NRXN3: variants seen among roughly 807,000 people sequenced by gnomAD.
NRXN3 encodes the protein neurexin III.
NRXN3 carries 32 observed loss-of-function variants against 137.6 expected under a neutral mutation model. That is an observed-to-expected ratio of 0.23 (90% CI 0.18 to 0.31). The LOEUF (loss-of-function observed/expected upper bound fraction) is 0.31. NRXN3 is among the 10% of genes least tolerant of loss of function. The probability of loss-of-function intolerance (pLI) is 1.00; values close to 1 mark genes in which losing one functional copy is unlikely to be tolerated. For missense variants in NRXN3, 1,574 were observed against 2,062.5 expected (o/e 0.76, Z 4.59); for synonymous variants, 798 against 784.5 (o/e 1.02, Z -0.29).
At chr14:78,811,143 A>G (rs1280033563) in intron 10 of NRXN3, among the ~76,000 whole-genome samples, 1 of 152,252 alleles carries the variant, frequency 6.6e-6, no homozygotes, top group African/African-American at 2.4e-5. Flanking sequence ...TGAGTACTAT[A>G]GCATATTATA....
chr14:79,390,638 A>C (rs1346562568), intron 15 of NRXN3, among the ~76,000 whole-genome samples: 2 of 152,170 alleles, frequency 1.3e-5, no homozygotes, highest in Non-Finnish European at 1.5e-5. Flanking sequence ...CACTATGTGA[A>C]GCTTCAAATC....
chr14:78,259,230 T>C (rs1245358461), intron 2 of NRXN3, among the ~76,000 whole-genome samples: 1 of 152,192 alleles, frequency 6.6e-6, no homozygotes, highest in African/African-American at 2.4e-5. Flanking sequence ...TGAATGTTTT[T>C]GCACATGACA....
chr14:79,492,272 A>AT (rs1462477411), intron 16 of NRXN3, among the ~76,000 whole-genome samples: 3 of 152,232 alleles, frequency 2.0e-5, no homozygotes, highest in African/African-American at 7.2e-5. Context: ...ATGTATCAGT[A>AT]AGTCAAGGAA....
At chr14:79,314,163 C>G (rs1249149628) in intron 15 of NRXN3, 7 of 148,508 alleles carry the variant, frequency 4.7e-5, no homozygotes, top group African/African-American at 1.7e-4. Context: ...CCGGGTTCAT[C>G]TCACTAGGGA....
chr14:79,716,826 C>T (rs1043705469), intron 19 of NRXN3, among the ~76,000 whole-genome samples: 1 of 152,106 alleles, frequency 6.6e-6, no homozygotes, highest in Non-Finnish European at 1.5e-5. Context: ...ATTATGCCTC[C>T]TGCTTTAGGA....
chr14:78,624,586 C>T (rs571152310), intron 4 of NRXN3, among the ~76,000 whole-genome samples: 7 of 152,300 alleles, frequency 4.6e-5, no homozygotes, highest in African/African-American at 1.4e-4. Context: ...AAGAGGCTCA[C>T]ACAGCCTTTC....
At chr14:79,544,364 G>T (rs889606019) in intron 16 of NRXN3, among the ~76,000 whole-genome samples, 3 of 152,198 alleles carry the variant, frequency 2.0e-5, no homozygotes, top group Admixed American at 6.5e-5. Flanking sequence ...AAAATGCCAC[G>T]ATAACATCTA....
At chr14:78,584,484 C>G (rs1450625437) in intron 4 of NRXN3, among the ~76,000 whole-genome samples, 1 of 152,136 alleles carries the variant, frequency 6.6e-6, no homozygotes, top group African/African-American at 2.4e-5. Flanking sequence ...GGCTGAACAT[C>G]ATTGTCCTAC....
intron 10 of NRXN3, among the ~76,000 whole-genome samples, chr14:78,830,560 T>C (rs2098978832): frequency 6.6e-6 from 1 of 152,146 alleles, no homozygotes; most frequent in Non-Finnish European, 1.5e-5. Flanking sequence ...TTTTACTCTT[T>C]TTTTAAATTT....
chr14:78,587,431 C>T (rs2097076091), intron 4 of NRXN3, among the ~76,000 whole-genome samples: 1 of 152,104 alleles, frequency 6.6e-6, no homozygotes, highest in Non-Finnish European at 1.5e-5. Flanking sequence ...GATTAGTTAC[C>T]CCTCTGAAAT....
intron 4 of NRXN3, among the ~76,000 whole-genome samples, chr14:78,638,981 A>T (rs1251721098): frequency 1.3e-5 from 2 of 152,210 alleles, no homozygotes; most frequent in Non-Finnish European, 2.9e-5. Context: ...TTGCCTGGAA[A>T]GCACTGGCCA....
chr14:78,542,822 A>G (rs775005752), intron 4 of NRXN3, among the ~76,000 whole-genome samples: 3 of 152,162 alleles, frequency 2.0e-5, no homozygotes, highest in Non-Finnish European at 2.9e-5. Context: ...CCATCTTGGA[A>G]TACCCACTCC....
intron 1 of NRXN3, among the ~76,000 whole-genome samples, chr14:78,203,276 G>A (rs1566961642): frequency 6.6e-6 from 1 of 152,170 alleles, no homozygotes; most frequent in Non-Finnish European, 1.5e-5. Flanking sequence ...GTGAGATGAG[G>A]CTTCCTGGGG....
At chr14:79,467,959 G>T (rs1184892993) in intron 16 of NRXN3, among the ~76,000 whole-genome samples, 1 of 152,176 alleles carries the variant, frequency 6.6e-6, no homozygotes, top group African/African-American at 2.4e-5. Flanking sequence ...ACAAGCTGCA[G>T]GCCGTAATTT....
chr14:78,866,613 C>T (rs2152549797), intron 10 of NRXN3, among the ~76,000 whole-genome samples: 2 of 152,168 alleles, frequency 1.3e-5, no homozygotes, highest in Admixed American at 1.3e-4. Context: ...AAAAATTCTT[C>T]ATAATGAAAT....
intron 15 of NRXN3, among the ~76,000 whole-genome samples, chr14:79,372,861 G>T (rs1013150833): frequency 6.6e-6 from 1 of 151,422 alleles, no homozygotes. Flanking sequence ...TATTTTTATC[G>T]TGCATATCAC....
intron 8 of NRXN3, among the ~76,000 whole-genome samples, chr14:78,760,836 A>AT (rs956755158): frequency 3.3e-5 from 5 of 152,114 alleles, no homozygotes; most frequent in African/African-American, 4.8e-5. Context: ...GGAGGCAAAA[A>AT]TGGTTGGGAT....
At chr14:79,268,424 C>G (rs7144015) in intron 15 of NRXN3, among the ~76,000 whole-genome samples, 6,032 of 152,254 alleles carry the variant, frequency 0.04, 305 homozygotes, top group African/African-American at 0.11. Context: ...AGTTCTGCTT[C>G]TCTAGGTCAC....
intron 4 of NRXN3, among the ~76,000 whole-genome samples, chr14:78,399,795 A>G (rs1299893783): frequency 6.6e-6 from 1 of 152,200 alleles, no homozygotes; most frequent in Admixed American, 6.5e-5. Flanking sequence ...ATAGTCTTCA[A>G]TTGCTTGTGT....
Sources: gnomAD v4.1 joint callset for allele counts (sites outside exome capture counted in the v4.1 genomes callset) on GRCh38, gnomAD v4.1.1 for gene constraint, MANE v1.5 for transcripts, NCBI Gene and HGNC (gene_info 2026-07-23, HGNC 2026-07-21) for gene names.